PDE4D: variants seen among roughly 807,000 people sequenced by gnomAD.
The protein encoded by PDE4D is 3',5'-cyclic-AMP phosphodiesterase 4D.
A neutral mutation model predicts 87.4 loss-of-function variants in PDE4D; 24 were observed. That is an observed-to-expected ratio of 0.27 (90% confidence interval 0.20 to 0.39). PDE4D has a LOEUF of 0.39. Ranked by LOEUF, PDE4D falls within the 10% of genes least tolerant of loss-of-function variation. PDE4D has a pLI of 1.00. For missense variants in PDE4D, 714 were observed against 1,041.0 expected (o/e 0.69, Z 4.32); for synonymous variants, 384 against 383.2 (o/e 1.00, Z -0.02).
At chr5:59,624,403 AT>A (rs796325619) in intron 1 of PDE4D, among the ~76,000 whole-genome samples, 2 of 151,026 alleles carry the variant, frequency 1.3e-5, no homozygotes, top group Non-Finnish European at 3.0e-5. Flanking sequence ...CGAATTTGTC[AT>A]TTTTTTTTCA....
intron 5 of PDE4D, among the ~76,000 whole-genome samples, chr5:59,176,654 A>G (rs537974486): frequency 1.1e-4 from 16 of 152,154 alleles, no homozygotes; most frequent in African/African-American, 3.9e-4. Flanking sequence ...CTATGTGACA[A>G]CTCCTTAGAA....
chr5:60,356,393 G>A (rs1367813558), intron 1 of PDE4D, among the ~76,000 whole-genome samples: 2 of 152,034 alleles, frequency 1.3e-5, no homozygotes, highest in East Asian at 1.9e-4. Flanking sequence ...TACTCCTCAC[G>A]CATTTAAATA....
chr5:58,975,612 G>A lies in PDE4D; in HGVS notation c.2013+45C>T. On this transcript the variant is annotated intron_variant, in intron 14 of 14. Coordinates refer to ENST00000340635, the MANE Select transcript of PDE4D (RefSeq NM_001104631.2). The surrounding 1 kb of genome is among the most constrained non-coding windows in gnomAD (Gnocchi z 4.2). ...TAATACAAAGTAACCAAATGCTAAA[G>A]CGGTAGCTCTGTTCTCTCTGAAAGC... 7.2e-7 allele frequency: 1 copy of A among 1,382,702 alleles called. No individual in the cohort carries two copies. The highest frequency in any genetic ancestry group is 9.6e-7 in the Non-Finnish European group (1 of 1,042,264). 85.7% of individuals were successfully genotyped at this position (1,382,702 alleles called of 1,614,324 possible).
chr5:60,366,850 G>C (rs1760596093), intron 1 of PDE4D, among the ~76,000 whole-genome samples: 1 of 152,196 alleles, frequency 6.6e-6, no homozygotes, highest in Non-Finnish European at 1.5e-5. Context: ...GATTTACCTG[G>C]CAAGTCAAGA....
chr5:59,990,531 TA>T (rs78169918), intron 2 of PDE4D, among the ~76,000 whole-genome samples: 40,023 of 114,710 alleles, frequency 0.35, 5,744 homozygotes, highest in Admixed American at 0.46. Context: ...TGAGAAGATT[TA>T]AAAAACAAAC....
chr5:59,209,886 G>A (rs1185239716), intron 2 of PDE4D, among the ~76,000 whole-genome samples: 2 of 152,186 alleles, frequency 1.3e-5, no homozygotes, highest in Non-Finnish European at 2.9e-5. Flanking sequence ...AGTTTTCCAG[G>A]TGGTTGACAG....
chr5:59,778,433 T>A (rs566952438), intron 1 of PDE4D, among the ~76,000 whole-genome samples: 1 of 152,376 alleles, frequency 6.6e-6, no homozygotes, highest in South Asian at 2.1e-4. Flanking sequence ...TTTGAATTTC[T>A]TTCTGAAATT....
At chr5:59,451,050 G>A (rs950688556) in intron 1 of PDE4D, among the ~76,000 whole-genome samples, 1 of 151,928 alleles carries the variant, frequency 6.6e-6, no homozygotes, top group Non-Finnish European at 1.5e-5. Context: ...TTCTCCCTTT[G>A]TACTTACACC....
intron 1 of PDE4D, among the ~76,000 whole-genome samples, chr5:59,220,377 C>CAAAAAAAAAA (rs57610513): frequency 8.3e-5 from 3 of 36,152 alleles, no homozygotes; most frequent in Admixed American, 4.0e-4. Flanking sequence ...GACTCTGTCT[C>CAAAAAAAAAA]AAAAAAAAAA....
At chr5:60,027,920 T>C (rs1766807851) in intron 2 of PDE4D, among the ~76,000 whole-genome samples, 1 of 152,230 alleles carries the variant, frequency 6.6e-6, no homozygotes, top group African/African-American at 2.4e-5. Flanking sequence ...CCTCTGCTGT[T>C]CTGGGTATTG....
rs368084419 is a variant in PDE4D, at chr5:60,369,517, A to T, written c.-90+118425T>A. 1.7e-4 allele frequency among the ~76,000 whole-genome samples: 26 copies of T among 152,268 alleles called. No homozygotes were observed. In the South Asian group the frequency reaches 5.2e-3, roughly 30 times the overall value. On this transcript the variant is annotated intron_variant, in intron 1 of 16. Coordinates refer to the PDE4D transcript ENST00000502484. The stretch of plus-strand genomic sequence containing the variant: ...ACAGAACAGTGAGTCAACTGACCAG[A>T]GCACCAAGGCAGAGAGAGGCGGGAT...
chr5:59,184,868 T>C (rs1742524463), intron 4 of PDE4D, among the ~76,000 whole-genome samples: 1 of 152,146 alleles, frequency 6.6e-6, no homozygotes, highest in Non-Finnish European at 1.5e-5. Context: ...ATGAGATTAT[T>C]CACCCACGGT....
intron 5 of PDE4D, among the ~76,000 whole-genome samples, chr5:59,149,568 T>C (rs1779155431): frequency 6.6e-6 from 1 of 152,140 alleles, no homozygotes; most frequent in Non-Finnish European, 1.5e-5. Flanking sequence ...GATACTGGAA[T>C]GGAGATTTAG....
chr5:59,473,997 G>T (rs769295754), intron 1 of PDE4D, among the ~76,000 whole-genome samples: 1 of 152,098 alleles, frequency 6.6e-6, no homozygotes, highest in Non-Finnish European at 1.5e-5. Flanking sequence ...AATGTACTCT[G>T]GGAATAGTAC....
At chr5:59,742,574 C>T (rs1269151508) in intron 1 of PDE4D, among the ~76,000 whole-genome samples, 1 of 152,142 alleles carries the variant, frequency 6.6e-6, no homozygotes, top group Non-Finnish European at 1.5e-5. Context: ...TCTAGAACTT[C>T]TTTTATCTGT....
chr5:60,104,587 G>A (rs577835427), intron 2 of PDE4D, among the ~76,000 whole-genome samples: 28 of 152,176 alleles, frequency 1.8e-4, no homozygotes, highest in East Asian at 9.6e-4. Flanking sequence ...CCTGACCCCC[G>A]AGCAGCCTAA....
intron 2 of PDE4D, among the ~76,000 whole-genome samples, chr5:60,094,926 T>C (rs1775514837): frequency 6.6e-6 from 1 of 152,172 alleles, no homozygotes; most frequent in African/African-American, 2.4e-5. Flanking sequence ...TTTATTTGTC[T>C]TCACCCTCAT....
At chr5:59,141,792 T>C (rs574055977) in intron 5 of PDE4D, among the ~76,000 whole-genome samples, 47 of 152,354 alleles carry the variant, frequency 3.1e-4, no homozygotes, top group Admixed American at 2.4e-3. Context: ...CCCATTCATC[T>C]TGGAATTTTC....
At chr5:59,756,810 C>G (rs1473492322) in intron 1 of PDE4D, among the ~76,000 whole-genome samples, 1 of 132,268 alleles carries the variant, frequency 7.6e-6, no homozygotes, top group East Asian at 2.1e-4. Context: ...GAGGTTCTTA[C>G]TTTTTTTTTT....
Sources: allele counts gnomAD v4.1 joint callset (sites outside exome capture counted in the v4.1 genomes callset), GRCh38; gene constraint gnomAD v4.1.1; non-coding constraint Gnocchi (gnomAD v3.1); transcripts MANE v1.5; gene names NCBI Gene and HGNC (gene_info 2026-07-23, HGNC 2026-07-21).